The following ADGRV1 variants were observed in gnomAD, a reference collection of about 807,000 sequenced individuals.
ADGRV1 encodes adhesion G protein-coupled receptor V1.
In ADGRV1, 359 loss-of-function variants were observed where a neutral mutation model predicts 596.2. That is an observed-to-expected ratio of 0.60 (90% CI 0.55 to 0.66). The LOEUF (loss-of-function observed/expected upper bound fraction) is 0.66, where lower values mean the gene tolerates loss of function less well. ADGRV1 is among the 30% of genes least tolerant of loss of function. The probability of loss-of-function intolerance (pLI) is 0.00; values close to 1 mark genes in which losing one functional copy is unlikely to be tolerated. For synonymous variants in ADGRV1, 2,681 were observed against 2,679.2 expected, an observed-to-expected ratio of 1.00 and a Z score of -0.02; for missense variants, 7,274 against 7,575.6, an observed-to-expected ratio of 0.96 and a Z score of 1.48.
intron 75 of ADGRV1, among the ~76,000 whole-genome samples, chr5:90,821,121 A>G (rs1763456283): frequency 1.3e-5 from 2 of 152,026 alleles, no homozygotes; most frequent in African/African-American, 4.8e-5. Context: ...ATTTCTTTCT[A>G]TTCTTTTTTC....
chr5:90,721,712 G>A (rs927154842), intron 45 of ADGRV1, among the ~76,000 whole-genome samples: 1 of 152,146 alleles, frequency 6.6e-6, no homozygotes, highest in Non-Finnish European at 1.5e-5. Context: ...ACTTTAGTAA[G>A]TGCTTTTGTC....
chr5:91,067,854 T>TAAGA (rs1238718587), intron 85 of ADGRV1, among the ~76,000 whole-genome samples: 34 of 152,346 alleles, frequency 2.2e-4, no homozygotes, highest in Middle Eastern at 6.8e-3. Flanking sequence ...TTGAAGCCAA[T>TAAGA]ATGCATAAGA....
intron 71 of ADGRV1, among the ~76,000 whole-genome samples, chr5:90,804,203 G>A (rs1354312628): frequency 1.3e-5 from 2 of 152,174 alleles, no homozygotes; most frequent in African/African-American, 4.8e-5. Flanking sequence ...AGGAGTTTGA[G>A]ACTAGCCTGG....
chr5:90,878,857 G>A (rs1211089468), intron 83 of ADGRV1, among the ~76,000 whole-genome samples: 1 of 152,166 alleles, frequency 6.6e-6, no homozygotes, highest in African/African-American at 2.4e-5. Context: ...CCCACTTACA[G>A]GTTACAATTT....
chr5:90,953,831 A>G (rs1332224812), intron 83 of ADGRV1, among the ~76,000 whole-genome samples: 1 of 152,118 alleles, frequency 6.6e-6, no homozygotes, highest in African/African-American at 2.4e-5. Flanking sequence ...GAACAGCATA[A>G]TAGTATGGTA....
intron 85 of ADGRV1, among the ~76,000 whole-genome samples, chr5:90,987,601 C>T (rs1780602072): frequency 6.6e-6 from 1 of 151,610 alleles, no homozygotes; most frequent in Admixed American, 6.6e-5. Flanking sequence ...TATAAAAATT[C>T]TATATCTTAC....
intron 87 of ADGRV1, among the ~76,000 whole-genome samples, chr5:91,108,242 T>A (rs1469519344): frequency 6.6e-6 from 1 of 152,212 alleles, no homozygotes; most frequent in African/African-American, 2.4e-5. Flanking sequence ...TTCCATGGAA[T>A]ATGGCTACAT....
intron 57 of ADGRV1, among the ~76,000 whole-genome samples, chr5:90,758,363 C>T (rs1756073968): frequency 6.6e-6 from 1 of 152,064 alleles, no homozygotes; most frequent in Non-Finnish European, 1.5e-5. Flanking sequence ...AACCGGAATG[C>T]AAGTCAATGA....
At position 90,683,613 on chromosome 5, in the gene ADGRV1, C is replaced by G. The variant is rs751687967; in HGVS notation, c.5692C>G (p.Pro1898Ala). Residue 1898 changes from proline (P) to alanine (A), a missense_variant, in exon 28 of 90, where the codon CCA becomes GCA. By Grantham distance (27) the Pro-to-Ala change is conservative (BLOSUM62 -1). Coordinates refer to ENST00000405460, the MANE Select transcript of ADGRV1 (RefSeq NM_032119.4). ...TATAAGACATCATGGAACTCTGTCT[C>G]CAGTGACTTTGCATTGGAACATAGA... ...NVIRHHGTLSPVTLHWNIDSD... is the reference protein window; with the variant it reads ...NVIRHHGTLSAVTLHWNIDSD... 2 of 1,603,998 alleles carry G rather than the reference C, an allele frequency of 1.2e-6. No homozygotes were observed. The highest frequency in any genetic ancestry group is 2.7e-5 in the African/African-American group (2 of 74,758).
Position 90,653,862 on chromosome 5 carries a change from A to G in ADGRV1, c.4288A>G (p.Ile1430Val), listed in dbSNP as rs1306326601. ...AAGTGTTTGGCTTCATCTACTAATT[A>G]TCCTGGAGGATGGTATAATCGAATT... ...EESVWLHLLI[I>V]LEDGIIEFYL... Residue 1430 changes from isoleucine (I) to valine (V), a missense_variant, in exon 20 of 90, where the codon ATC (isoleucine) becomes GTC (valine). By Grantham distance (29) the Ile-to-Val change is conservative. Transcript: ENST00000405460. The G allele has an allele frequency of 1.9e-6, 3 of 1,608,206 alleles. No homozygotes were observed. Among genetic ancestry groups the G allele is most frequent in the Admixed American group, 1.7e-5 (1 of 59,188 alleles).
chr5:91,150,012 T>TTA lies in ADGRV1; in HGVS notation c.18433-17_18433-16insAT. 7.8e-7 allele frequency: 1 copy of TTA among 1,277,712 alleles called. No homozygotes were observed. Among genetic ancestry groups the TTA allele is most frequent in the South Asian group, 1.6e-5 (1 of 62,136 alleles). The allele number at this position is 1,277,712 out of a possible 1,614,324, so 79.1% of individuals were successfully genotyped here. ...CTTTTTCTTTTTCTTTTCTTTTCTT[T>TTA]TTTTTTTTTTTTTGCAGGGACTTTA... On this transcript the variant is annotated splice_polypyrimidine_tract_variant and intron_variant, in intron 87 of 89. Transcript: ENST00000405460.
chr5:90,608,827 A>G (rs1475821349), intron 1 of ADGRV1, among the ~76,000 whole-genome samples: 1 of 152,104 alleles, frequency 6.6e-6, no homozygotes, highest in Non-Finnish European at 1.5e-5. Context: ...GTTGCCCATC[A>G]TGTGTAGAGG....
In ADGRV1 at chr5:90,653,510, G is replaced by A. The variant is rs775967758; in HGVS notation, c.3936G>A (p.Val1312=). 10 of 1,613,892 alleles carry A rather than the reference G, an allele frequency of 6.2e-6. No homozygotes were observed. The highest frequency in any genetic ancestry group is 8.5e-6 in the Non-Finnish European group (10 of 1,179,874). ...TGGTTGGAATTTTCCCCACCACCGT[G>A]CATTTACAACAGCACATGCGGCGTC... ...FLLVGIFPTT[V]HLQQHMRRHH... The change falls in exon 20 of 90, where the codon GTG becomes GTA. Residue 1312 remains valine, a synonymous_variant. Transcript: ENST00000405460.
chr5:90,810,094 G>C, intron 73 of ADGRV1, 139 bp from the exon 74 acceptor site: 1 of 684,328 alleles, frequency 1.5e-6, no homozygotes, highest in Non-Finnish European at 2.4e-6. Flanking sequence ...AATAGGGTTT[G>C]ATGGAATTTG....
intron 70 of ADGRV1, 95 bp from the exon 71 acceptor site, chr5:90,802,643 TA>T: frequency 1.8e-6 from 2 of 1,122,140 alleles, no homozygotes; most frequent in Non-Finnish European, 2.6e-6. Context: ...TGTTTGCTAC[TA>T]AAGCAACCTC....
intron 85 of ADGRV1, among the ~76,000 whole-genome samples, chr5:91,005,149 A>G (rs552882050): frequency 1.3e-5 from 2 of 152,192 alleles, no homozygotes; most frequent in Non-Finnish European, 2.9e-5. Context: ...GTTTCAGAGT[A>G]AATGCTCAAA....
At chr5:90,643,066 T>C (rs1767206108) in intron 13 of ADGRV1, 25 bp downstream of exon 13, 1 of 1,572,032 alleles carries the variant, frequency 6.4e-7, no homozygotes, top group African/African-American at 1.4e-5. Flanking sequence ...ATTTTCTTTG[T>C]GTTTCTCTGT....
Position 91,075,836 on chromosome 5 carries a change from A to C in ADGRV1, c.18310+3232A>C, listed in dbSNP as rs778928007. 5.3e-5 allele frequency among the ~76,000 whole-genome samples: 8 copies of C among 152,162 alleles called. No individual in the cohort carries two copies. In the East Asian group the frequency reaches 1.3e-3, roughly 26 times the overall value. On this transcript the variant is annotated intron_variant, in intron 86 of 89. Coordinates refer to ENST00000405460, the MANE Select transcript of ADGRV1 (RefSeq NM_032119.4). ...AAAAGTCCAGTCCCTTTAGCTTACA[A>C]GAGTTTCCACGGTCTGACCCAGGAC...
chr5:90,871,278 A>G (rs539311664), intron 83 of ADGRV1, among the ~76,000 whole-genome samples: 1 of 152,176 alleles, frequency 6.6e-6, no homozygotes, highest in South Asian at 2.1e-4. Context: ...AAAAAATATT[A>G]TTTTATTTTT....
Sources: allele counts gnomAD v4.1 joint callset (sites outside exome capture counted in the v4.1 genomes callset), GRCh38; gene constraint gnomAD v4.1.1; transcripts MANE v1.5; gene names NCBI Gene and HGNC (gene_info 2026-07-23, HGNC 2026-07-21).